The following ZFYVE16 variants were observed in gnomAD, a reference collection of about 807,000 sequenced individuals.
ZFYVE16 encodes zinc finger FYVE domain-containing protein 16.
A neutral mutation model predicts 138.1 loss-of-function variants in ZFYVE16; 89 were observed. The ratio of observed to expected loss-of-function variants is 0.64; its 90% CI spans 0.54 to 0.77. The LOEUF is 0.77. ZFYVE16 is among the 30% of genes least tolerant of loss of function. The probability of loss-of-function intolerance (pLI) is 0.00; values close to 1 mark genes in which losing one functional copy is unlikely to be tolerated. For missense variants in ZFYVE16, 1,793 were observed against 1,786.7 expected, an observed-to-expected ratio of 1.00 and a Z score of -0.06; for synonymous variants, 596 against 618.3, an observed-to-expected ratio of 0.96 and a Z score of 0.53.
chr5:80,417,204 G>A (rs999935656), intron 1 of ZFYVE16, among the ~76,000 whole-genome samples: 41 of 152,138 alleles, frequency 2.7e-4, no homozygotes, highest in African/African-American at 9.7e-4. Flanking sequence ...ATCAACTAGG[G>A]TAGAGTGCCT....
At chr5:80,420,358 CAT>C (rs1312544024) in intron 1 of ZFYVE16, among the ~76,000 whole-genome samples, 1 of 152,006 alleles carries the variant, frequency 6.6e-6, no homozygotes, top group East Asian at 1.9e-4. Flanking sequence ...GGTTTGTTAA[CAT>C]ATGTATACAT....
chr5:80,434,736 G>A (rs781238341), intron 3 of ZFYVE16, among the ~76,000 whole-genome samples: 5 of 152,140 alleles, frequency 3.3e-5, no homozygotes, highest in Non-Finnish European at 7.4e-5. Context: ...CTACCAAAAT[G>A]TTGGGATTAT....
intron 1 of ZFYVE16, among the ~76,000 whole-genome samples, chr5:80,415,331 G>A (rs2544593): frequency 0.78 from 119,241 of 152,148 alleles, 49,579 homozygotes; most frequent in East Asian, 0.92. Context: ...TAGTGAACTA[G>A]TATTGATACT....
chr5:80,470,348 G>A (rs1284404195), intron 15 of ZFYVE16, among the ~76,000 whole-genome samples: 12 of 151,572 alleles, frequency 7.9e-5, no homozygotes, highest in Non-Finnish European at 1.5e-4. Context: ...TTATCCTCCC[G>A]CCTAGGCCTC....
At chr5:80,459,557 A>G in intron 15 of ZFYVE16, 63 bp downstream of exon 15, 1 of 1,381,904 alleles carries the variant, frequency 7.2e-7, no homozygotes, top group Non-Finnish European at 1.0e-6. Flanking sequence ...TTTGAAAAAT[A>G]TATTTGATAT....
intron 1 of ZFYVE16, among the ~76,000 whole-genome samples, chr5:80,414,664 T>C (rs1309083247): frequency 6.6e-6 from 1 of 152,236 alleles, no homozygotes; most frequent in African/African-American, 2.4e-5. Flanking sequence ...ATTTTGAATA[T>C]ATAGGTGAAC....
chr5:80,472,844 T>A lies in ZFYVE16; in HGVS notation c.4108T>A (p.Cys1370Ser), dbSNP rs1338340948. The A allele has an allele frequency of 5.6e-6, 9 of 1,613,880 alleles. No homozygotes were observed. Among genetic ancestry groups the A allele is most frequent in the Non-Finnish European group, 7.6e-6 (9 of 1,179,962 alleles). Reference protein sequence around the residue: ...LREQKDFKITCGKVDAVDLRE... With the variant: ...LREQKDFKITSGKVDAVDLRE... ...AGAACAGAAAGACTTTAAAATTACA[T>A]GTGGGAAAGTTGATGCAGTAGACCT... Residue 1370 changes from cysteine (C) to serine (S), a missense_variant, in exon 16 of 19, where the codon TGT becomes AGT. By Grantham distance (112) the Cys-to-Ser change is moderately radical. Transcript: ENST00000505560.
At chr5:80,430,960 CAAAA>C (rs1354693879) in intron 2 of ZFYVE16, among the ~76,000 whole-genome samples, 5 of 152,022 alleles carry the variant, frequency 3.3e-5, no homozygotes, top group Non-Finnish European at 7.4e-5. Context: ...GCTTACCAAT[CAAAA>C]AAGTCCAGGA....
At chr5:80,435,522 G>GGATTGTTTTTTAGTTC (rs1254782165) in intron 3 of ZFYVE16, among the ~76,000 whole-genome samples, 6 of 152,288 alleles carry the variant, frequency 3.9e-5, no homozygotes, top group African/African-American at 1.4e-4. Flanking sequence ...CAAAGACGTT[G>GGATTGTTTTTTAGTTC]GATTGTTTTT....
rs543982090 is a variant in ZFYVE16, at chr5:80,434,281, A to T, written c.70+64A>T. ...AAAATATCTGTAATTAAGTTATCTC[A>T]GGTATACAGTAATATTAGCAAAATT... is the stretch of plus-strand genomic sequence containing the variant. On this transcript the variant is annotated intron_variant, in intron 3 of 18. Transcript: ENST00000505560. 8.5e-5 allele frequency: 131 copies of T among 1,537,046 alleles called. No individual in the cohort carries two copies. The East Asian group carries it at 2.9e-3, about 34-fold the overall frequency.
chr5:80,437,625 T>C lies in ZFYVE16; in HGVS notation c.940T>C (p.Leu314=). The change falls in exon 4 of 19, where the codon TTA becomes CTA. Residue 314 remains leucine (L), a synonymous_variant. Transcript: ENST00000505560. ...CSLPKNEDLC[L]NDSNSRDENF... is the part of the protein sequence containing the mutation. ...CCTTCCGAAAAATGAAGATTTATGC[T>C]TAAATGATTCAAATTCAAGAGATGA... is the stretch of plus-strand genomic sequence containing the variant. The C allele has an allele frequency of 1.9e-6, 3 of 1,612,556 alleles. No homozygotes were observed. The highest frequency in any genetic ancestry group is 2.5e-6 in the Non-Finnish European group (3 of 1,179,518).
Position 80,477,489 on chromosome 5 carries a change from C to A in ZFYVE16, c.*112C>A. 1.0e-6 allele frequency: 1 copy of A among 993,506 alleles called. No individual in the cohort carries two copies. The allele number at this position is 993,506 out of a possible 1,614,324, so 61.5% of individuals were successfully genotyped here. A position where few individuals can be genotyped will look rare whatever the true frequency, so the allele number is the denominator to read the frequency against. ...GTATAAATATGTCTGATTTTTGAAA[C>A]ACATAAGCTTTGCTCTTTAGGCAGG... On this transcript the variant is annotated 3_prime_UTR_variant, in exon 19 of 19. Coordinates refer to ENST00000505560, the MANE Select transcript of ZFYVE16 (RefSeq NM_001284236.3).
intron 18 of ZFYVE16, among the ~76,000 whole-genome samples, chr5:80,475,067 C>T (rs1463815513): frequency 1.3e-5 from 2 of 152,196 alleles, no homozygotes; most frequent in Non-Finnish European, 2.9e-5. Flanking sequence ...GTTTCTTTCA[C>T]AACTACTCAA....
rs1746544654 is a variant in ZFYVE16 at position 80,418,240 on chromosome 5, C to T, written c.-93-9252C>T. 2.0e-5 allele frequency among the ~76,000 whole-genome samples: 3 copies of T among 150,370 alleles called. 1 individual carries two copies. The highest frequency in any genetic ancestry group is 4.9e-5 in the African/African-American group (2 of 40,820). On this transcript the variant is annotated intron_variant, in intron 1 of 18. Transcript: ENST00000505560. The stretch of plus-strand genomic sequence containing the variant: ...TCCTCTCCTCTCTCCTTTCTCTTCT[C>T]CTCTCCTCTTTCCTTTCCCCTCCTC...
At chr5:80,429,185 A>G (rs1430091816) in intron 2 of ZFYVE16, among the ~76,000 whole-genome samples, 1 of 152,210 alleles carries the variant, frequency 6.6e-6, no homozygotes, top group African/African-American at 2.4e-5. Flanking sequence ...GAAGGAAAAA[A>G]TGTTAAGGGC....
In ZFYVE16 at chr5:80,448,253, CTTAG is replaced by C. The variant is rs1751605236; in HGVS notation, c.2956_2959del (p.Val986ThrfsTer51). ...AAGAACCATCTAGTCCTACTGGTGT[CTTAG>C]TTAACAGCAATTTACCTATTGCTAG... On this transcript the variant is annotated frameshift_variant, in exon 8 of 19. Transcript: ENST00000505560. LOFTEE classifies it high-confidence loss of function. 1 of 1,613,594 alleles carries C rather than the reference CTTAG, an allele frequency of 6.2e-7. No individual in the cohort carries two copies. The highest frequency in any genetic ancestry group is 1.7e-5 in the Admixed American group (1 of 59,980).
At chr5:80,474,642 T>C in intron 17 of ZFYVE16, 21 bp from the exon 18 acceptor site, 5 of 1,581,350 alleles carry the variant, frequency 3.2e-6, no homozygotes, top group Non-Finnish European at 4.3e-6. Flanking sequence ...ATGACTTGTT[T>C]CCTAATTAAA....
At chr5:80,434,511 C>G (rs921393342) in intron 3 of ZFYVE16, among the ~76,000 whole-genome samples, 1 of 152,142 alleles carries the variant, frequency 6.6e-6, no homozygotes, top group African/African-American at 2.4e-5. Context: ...AAGTCTCATT[C>G]TGTCTCCCAG....
chr5:80,455,685 T>G lies in ZFYVE16; in HGVS notation c.3608-7T>G. 1 of 1,606,376 alleles carries G rather than the reference T, an allele frequency of 6.2e-7. No homozygotes were observed. The highest frequency in any genetic ancestry group is 1.1e-5 in the South Asian group (1 of 89,138). On this transcript the variant is annotated splice_region_variant and splice_polypyrimidine_tract_variant and intron_variant, in intron 11 of 18. Coordinates refer to ENST00000505560, the MANE Select transcript of ZFYVE16 (RefSeq NM_001284236.3). ...GATAGTAACCAGTTTTCCTTTCTTA[T>G]GTATAGCATATCCTGCTCCTCTAAC... is the stretch of plus-strand genomic sequence containing the variant.
Sources: allele counts gnomAD v4.1 joint callset (sites outside exome capture counted in the v4.1 genomes callset), GRCh38; gene constraint gnomAD v4.1.1; transcripts MANE v1.5; gene names NCBI Gene and HGNC (gene_info 2026-07-23, HGNC 2026-07-21).